The following FUT8 variants were observed in gnomAD, a reference collection of about 807,000 sequenced individuals.
FUT8 encodes fucosyltransferase 8, also known as alpha-(1,6)-fucosyltransferase.
In FUT8, 29 loss-of-function variants were observed where a neutral mutation model predicts 71.3. That is an observed-to-expected ratio of 0.41 (90% CI 0.30 to 0.55). FUT8 has a LOEUF of 0.55. FUT8 is among the 20% of genes least tolerant of loss of function. FUT8 has a pLI of 0.34. For synonymous variants in FUT8, 254 were observed against 239.3 expected, an observed-to-expected ratio of 1.06 and a Z score of -0.57; for missense variants, 544 against 702.1, an observed-to-expected ratio of 0.77 and a Z score of 2.55.
chr14:65,500,274 T>A lies in FUT8; in HGVS notation c.-228+44556T>A, dbSNP rs868161469. Among the ~76,000 whole-genome samples, 4 of 152,204 alleles carry A rather than the reference T, an allele frequency of 2.6e-5. No homozygotes were observed. In the South Asian group the frequency reaches 8.3e-4, roughly 31 times the overall value. On this transcript the variant is annotated intron_variant, in intron 2 of 10. Transcript: ENST00000673929. ...TAAACACTTAGATATTTTTTGTTCT[T>A]TATGCCTTGGCTCTGTGTCATACCA...
intron 2 of FUT8, among the ~76,000 whole-genome samples, chr14:65,560,528 G>A (rs1285304312): frequency 6.6e-6 from 1 of 152,022 alleles, no homozygotes; most frequent in Non-Finnish European, 1.5e-5. Flanking sequence ...TCTCTCCTGG[G>A]GAGAAAATAG....
rs200614491 is a variant in FUT8, at chr14:65,447,019, C to G, written c.-325-8602C>G. ...TTCTGCCCCTTTGTCTGTCTCTTCT[C>G]TCTCTTCAGCTCTTATAATCTGAAA... is the stretch of plus-strand genomic sequence containing the variant. On this transcript the variant is annotated intron_variant, in intron 1 of 10. Transcript: ENST00000673929. Among the ~76,000 whole-genome samples the G allele has an allele frequency of 7.9e-5, 12 of 152,226 alleles. No individual in the cohort carries two copies. The East Asian group carries it at 2.3e-3, about 29-fold the overall frequency.
chr14:65,452,103 T>C (rs2065836595), intron 1 of FUT8, among the ~76,000 whole-genome samples: 1 of 152,220 alleles, frequency 6.6e-6, no homozygotes, highest in African/African-American at 2.4e-5. Flanking sequence ...TATTTTGTTT[T>C]CATATGAGTT....
At chr14:65,380,923 C>T in the FUT8 span, among the ~76,000 whole-genome samples, 1 of 152,200 alleles carries the variant, frequency 6.6e-6, no homozygotes, top group African/African-American at 2.4e-5. Context: ...GCCTGTACCA[C>T]ATGGCAAAGA....
rs1183711662 is a variant in FUT8, at chr14:65,472,335, T to C, written c.-228+16617T>C. On this transcript the variant is annotated intron_variant, in intron 2 of 10. Coordinates refer to ENST00000673929, the MANE Select transcript of FUT8 (RefSeq NM_001371533.1). The surrounding 1 kb of genome is among the most constrained non-coding windows in gnomAD (Gnocchi z 4.4). ...CCTCAAGCATGCCTGAGGAAGAGCATTAATTTATTCTTGAGGGTTCTGACC... is the reference window on the plus strand; with the variant it reads ...CCTCAAGCATGCCTGAGGAAGAGCACTAATTTATTCTTGAGGGTTCTGACC... 6.6e-6 allele frequency among the ~76,000 whole-genome samples: 1 copy of C among 152,028 alleles called. No homozygotes were observed. The highest frequency in any genetic ancestry group is 2.4e-5 in the African/African-American group (1 of 41,378).
intron 3 of FUT8, among the ~76,000 whole-genome samples, chr14:65,595,073 G>C (rs1406210612): frequency 3.3e-5 from 5 of 152,140 alleles, no homozygotes; most frequent in African/African-American, 1.2e-4. Context: ...TCTGCCTAGA[G>C]TGTCTCTGCC....
At chr14:65,445,735 T>G (rs1006719998) in intron 1 of FUT8, among the ~76,000 whole-genome samples, 3 of 152,088 alleles carry the variant, frequency 2.0e-5, no homozygotes, top group Non-Finnish European at 4.4e-5. Flanking sequence ...CTCTATTAGA[T>G]TTTTTTTACG....
At chr14:65,676,708 T>G (rs1892734644) in intron 7 of FUT8, among the ~76,000 whole-genome samples, 1 of 151,944 alleles carries the variant, frequency 6.6e-6, no homozygotes, top group South Asian at 2.1e-4. Flanking sequence ...TGAGTCTCAG[T>G]CACAGTTGAC....
intron 2 of FUT8, among the ~76,000 whole-genome samples, chr14:65,502,696 T>G (rs1334797019): frequency 6.6e-6 from 1 of 152,246 alleles, no homozygotes; most frequent in East Asian, 1.9e-4. Flanking sequence ...AACAAAGTTT[T>G]AAAATTGGTT....
chr14:65,682,657 G>T (rs977405820), intron 7 of FUT8, among the ~76,000 whole-genome samples: 16 of 152,202 alleles, frequency 1.1e-4, no homozygotes, highest in African/African-American at 3.9e-4. Flanking sequence ...TACTTGGCAG[G>T]TGATGATAAA....
chr14:65,470,673 T>G (rs549676830), intron 2 of FUT8, among the ~76,000 whole-genome samples: 2 of 152,180 alleles, frequency 1.3e-5, no homozygotes, highest in African/African-American at 4.8e-5. Context: ...GGGTGGACCC[T>G]GGGGATGTAG....
At chr14:65,726,766 A>C (rs1023492383) in intron 9 of FUT8, among the ~76,000 whole-genome samples, 4 of 152,126 alleles carry the variant, frequency 2.6e-5, no homozygotes, top group African/African-American at 9.7e-5. Flanking sequence ...TTAAGCATTA[A>C]CTCAAAAGTC....
intron 3 of FUT8, among the ~76,000 whole-genome samples, chr14:65,570,568 G>A (rs778549867): frequency 3.3e-5 from 5 of 151,964 alleles, no homozygotes; most frequent in Non-Finnish European, 7.4e-5. Flanking sequence ...CAGTGTTGCT[G>A]ACATACACGA....
At chr14:65,504,973 A>G (rs2066704561) in intron 2 of FUT8, among the ~76,000 whole-genome samples, 1 of 152,228 alleles carries the variant, frequency 6.6e-6, no homozygotes, top group Non-Finnish European at 1.5e-5. Context: ...AAAAACCCCA[A>G]CACACTGTAT....
intron 3 of FUT8, among the ~76,000 whole-genome samples, chr14:65,570,668 C>CT (rs1385981307): frequency 4.6e-5 from 7 of 152,132 alleles, no homozygotes; most frequent in African/African-American, 1.7e-4. Context: ...CTTTGATTCC[C>CT]TTTTAACCTT....
chr14:65,712,773 GA>G lies in FUT8; in HGVS notation c.836-8996del, dbSNP rs547133335. 1.5e-4 allele frequency among the ~76,000 whole-genome samples: 23 copies of G among 151,928 alleles called. No homozygotes were observed. The East Asian group carries it at 2.9e-3, about 19-fold the overall frequency. ...ATATAGTTTTTTCTTTTTAATTTTT[GA>G]AAAAATTCTGTGGGTACATAGTAGG... On this transcript the variant is annotated intron_variant, in intron 7 of 10. Coordinates refer to ENST00000673929, the MANE Select transcript of FUT8 (RefSeq NM_001371533.1).
At chr14:65,639,196 A>G (rs1217557541) in intron 6 of FUT8, among the ~76,000 whole-genome samples, 1 of 152,204 alleles carries the variant, frequency 6.6e-6, no homozygotes, top group Non-Finnish European at 1.5e-5. Context: ...GGGGATTGCT[A>G]TACTGGAAGT....
intron 1 of FUT8, 71 bp from the exon 2 acceptor site, chr14:65,455,550 A>T (rs1413864001): frequency 5.0e-6 from 2 of 397,058 alleles, no homozygotes; most frequent in South Asian, 1.3e-4. Flanking sequence ...AAAGGTATTT[A>T]AAAAATTATA....
At chr14:65,571,263 T>C (rs1435706640) in intron 3 of FUT8, among the ~76,000 whole-genome samples, 1 of 152,154 alleles carries the variant, frequency 6.6e-6, no homozygotes, top group East Asian at 1.9e-4. Context: ...GAACTTGATG[T>C]GCTTGCTGAA....
Sources: allele counts gnomAD v4.1 joint callset (sites outside exome capture counted in the v4.1 genomes callset), GRCh38; gene constraint gnomAD v4.1.1; non-coding constraint Gnocchi (gnomAD v3.1); transcripts MANE v1.5; gene names NCBI Gene and HGNC (gene_info 2026-07-23, HGNC 2026-07-21).